The following FAM222B variants were observed in gnomAD, a reference collection of about 807,000 sequenced individuals.
The protein encoded by FAM222B is family with sequence similarity 222 member B.
In FAM222B, 12 loss-of-function variants were observed where a neutral mutation model predicts 38.0. The observed-to-expected ratio is 0.32, with a 90% CI of 0.20 to 0.51. FAM222B has a LOEUF of 0.51. FAM222B is among the 20% of genes least tolerant of loss of function. FAM222B has a pLI of 0.97. For missense variants in FAM222B, 716 were observed against 754.2 expected (o/e 0.95, Z 0.59); for synonymous variants, 329 against 317.2 (o/e 1.04, Z -0.40).
At chr17:28,783,129 C>T (rs1431967333) in intron 1 of FAM222B, among the ~76,000 whole-genome samples, 1 of 149,406 alleles carries the variant, frequency 6.7e-6, no homozygotes, top group African/African-American at 2.5e-5. Flanking sequence ...CAGAGCGAGA[C>T]CCTGTCTCAA....
At chr17:28,812,659 C>G (rs1429971620) in intron 1 of FAM222B, among the ~76,000 whole-genome samples, 3 of 152,068 alleles carry the variant, frequency 2.0e-5, no homozygotes, top group African/African-American at 7.2e-5. Context: ...TAGCGCTGCC[C>G]CCATCTCTCC....
chr17:28,764,688 G>T (rs1326877839), intron 2 of FAM222B, among the ~76,000 whole-genome samples: 1 of 150,548 alleles, frequency 6.6e-6, no homozygotes, highest in Non-Finnish European at 1.5e-5. Flanking sequence ...CGGAGGTTGC[G>T]TTGAGCCGAG....
chr17:28,774,203 A>G (rs1201315295), intron 1 of FAM222B, among the ~76,000 whole-genome samples: 2 of 150,940 alleles, frequency 1.3e-5, no homozygotes, highest in Non-Finnish European at 2.9e-5. Flanking sequence ...CTTAAATGTA[A>G]ATTCCAATAT....
intron 1 of FAM222B, among the ~76,000 whole-genome samples, chr17:28,779,562 T>A (rs1178312268): frequency 1.3e-5 from 2 of 151,896 alleles, no homozygotes; most frequent in Admixed American, 6.6e-5. Context: ...CCATCCTGGC[T>A]AACACGGTGA....
At chr17:28,826,252 T>C (rs903554317) in intron 1 of FAM222B, among the ~76,000 whole-genome samples, 11 of 151,516 alleles carry the variant, frequency 7.3e-5, no homozygotes, top group Admixed American at 5.3e-4. Context: ...GTATTTTTAG[T>C]AGAGACAGGG....
At chr17:28,764,932 C>T (rs1220427349) in intron 2 of FAM222B, among the ~76,000 whole-genome samples, 1 of 152,096 alleles carries the variant, frequency 6.6e-6, no homozygotes, top group African/African-American at 2.4e-5. Context: ...CCTCTAAGTA[C>T]GTTCCCTCTC....
intron 1 of FAM222B, among the ~76,000 whole-genome samples, chr17:28,809,569 C>A (rs1438855045): frequency 6.6e-6 from 1 of 152,148 alleles, no homozygotes; most frequent in Non-Finnish European, 1.5e-5. Flanking sequence ...AGTGCAAATA[C>A]ATTTATGATT....
At chr17:28,796,673 T>C (rs1361346626) in intron 1 of FAM222B, among the ~76,000 whole-genome samples, 1 of 151,852 alleles carries the variant, frequency 6.6e-6, no homozygotes, top group African/African-American at 2.4e-5. Flanking sequence ...AAAAATCTTA[T>C]TTTTCAACAG....
At chr17:28,765,392 T>A (rs1203043448) in intron 2 of FAM222B, among the ~76,000 whole-genome samples, 2 of 152,068 alleles carry the variant, frequency 1.3e-5, no homozygotes, top group East Asian at 3.8e-4. Flanking sequence ...AATGCCAGAG[T>A]TGAGTAGATG....
rs763721994 is a variant in FAM222B at position 28,759,430 on chromosome 17, C to A, written c.529G>T (p.Gly177Cys). Residue 177 changes from glycine (G) to cysteine (C), a missense_variant, in exon 3 of 3, where the codon GGT becomes TGT. By Grantham distance (159) the Gly-to-Cys change is radical. Transcript: ENST00000581407. The surrounding 1 kb of genome is among the most constrained non-coding windows in gnomAD (Gnocchi z 4.8). ...GACAGTGCCTGGGGTGGCGGGATAC[C>A]CTGAGGGTGCTGCAGCGTCTGGGGA... ...APPQTLQHPQ[G>C]IPPPQALSHP... is the part of the protein sequence containing the mutation. The A allele has an allele frequency of 1.3e-6, 2 of 1,583,212 alleles. No individual in the cohort carries two copies. Among genetic ancestry groups the A allele is most frequent in the Non-Finnish European group, 1.7e-6 (2 of 1,166,610 alleles).
At chr17:28,807,809 C>G (rs1014179404) in intron 1 of FAM222B, among the ~76,000 whole-genome samples, 3 of 152,130 alleles carry the variant, frequency 2.0e-5, no homozygotes, top group Non-Finnish European at 4.4e-5. Flanking sequence ...AGAATGCTAA[C>G]ATATAGAACA....
rs774508154 is a variant in FAM222B at position 28,759,315 on chromosome 17, G to A, written c.644C>T (p.Ala215Val). The A allele has an allele frequency of 2.5e-6, 4 of 1,611,554 alleles. No homozygotes were observed. Among genetic ancestry groups the A allele is most frequent in the Admixed American group, 3.4e-5 (2 of 59,498 alleles). ...TQGLVHPQALAHQGLQHPHNP... is the reference protein window; with the variant it reads ...TQGLVHPQALVHQGLQHPHNP... ...GTGGGGGTGCTGGAGACCCTGGTGAGCCAGGGCCTGAGGGTGGACCAAGCC... is the reference window on the plus strand; with the variant it reads ...GTGGGGGTGCTGGAGACCCTGGTGAACCAGGGCCTGAGGGTGGACCAAGCC... Residue 215 changes from alanine (A) to valine (V), a missense_variant, in exon 3 of 3, where the codon GCT becomes GTT. Transcript: ENST00000581407. The surrounding 1 kb of genome is among the most constrained non-coding windows in gnomAD (Gnocchi z 4.8).
intron 1 of FAM222B, among the ~76,000 whole-genome samples, chr17:28,797,982 C>T (rs1207372927): frequency 1.3e-5 from 2 of 152,062 alleles, no homozygotes; most frequent in African/African-American, 2.4e-5. Flanking sequence ...ACTTGAGCCC[C>T]AGGGGTGGAG....
chr17:28,795,134 G>A (rs2036879363), intron 1 of FAM222B, among the ~76,000 whole-genome samples: 1 of 151,490 alleles, frequency 6.6e-6, no homozygotes, highest in Admixed American at 6.6e-5. Context: ...CAGCAAAAGA[G>A]ACGTGTCCTC....
chr17:28,773,221 A>G (rs2035721939), intron 1 of FAM222B, among the ~76,000 whole-genome samples: 1 of 151,988 alleles, frequency 6.6e-6, no homozygotes, highest in Non-Finnish European at 1.5e-5. Flanking sequence ...CATGCCTGTA[A>G]TCCCCAGCAC....
intron 1 of FAM222B, among the ~76,000 whole-genome samples, chr17:28,771,812 T>C (rs1364059420): frequency 1.3e-5 from 2 of 152,326 alleles, no homozygotes; most frequent in East Asian, 3.9e-4. Context: ...CTCAGCACTT[T>C]GGGAGGCCGA....
chr17:28,789,075 A>T (rs1264364910), intron 1 of FAM222B, among the ~76,000 whole-genome samples: 1 of 122,046 alleles, frequency 8.2e-6, no homozygotes, highest in African/African-American at 3.2e-5. Context: ...TCTCAAAGAT[A>T]CCTCAAAAAA....
rs2151785437 is a variant in FAM222B, at chr17:28,766,999, C to T, written c.-40-292G>A. ...AAGTACAGGTGCATTTATAATGTCT[C>T]AGTATTCCTGAGGAGAGTGGGCCCT... is the stretch of plus-strand genomic sequence containing the variant. On this transcript the variant is annotated intron_variant, in intron 1 of 2. Coordinates refer to ENST00000581407, the MANE Select transcript of FAM222B (RefSeq NM_001077498.3). 1.1e-5 allele frequency: 3 copies of T among 269,778 alleles called. No homozygotes were observed. In the South Asian group the frequency reaches 1.5e-4, roughly 13 times the overall value. 16.7% of individuals were successfully genotyped at this position (269,778 alleles called of 1,614,324 possible).
chr17:28,804,124 C>T lies in FAM222B; in HGVS notation c.-40-37417G>A, dbSNP rs2037365631. 2.0e-5 allele frequency among the ~76,000 whole-genome samples: 3 copies of T among 152,288 alleles called. No homozygotes were observed. In the South Asian group the frequency reaches 6.2e-4, roughly 32 times the overall value. ...AACAAAGGTCAGGTCTCTTCGGGAA[C>T]CAGGACATCTATCTTCTCCTCCCCT... On this transcript the variant is annotated intron_variant, in intron 1 of 2. Transcript: ENST00000581407.
Sources: allele counts gnomAD v4.1 joint callset (sites outside exome capture counted in the v4.1 genomes callset), GRCh38; gene constraint gnomAD v4.1.1; non-coding constraint Gnocchi (gnomAD v3.1); transcripts MANE v1.5; gene names NCBI Gene and HGNC (gene_info 2026-07-23, HGNC 2026-07-21).